The following SOX6 variants were observed in gnomAD, a reference collection of about 807,000 sequenced individuals.
SOX6 encodes transcription factor SOX-6.
SOX6 carries 11 observed loss-of-function variants against 97.8 expected under a neutral mutation model. The ratio of observed to expected loss-of-function variants is 0.11; its 90% CI spans 0.07 to 0.19. The LOEUF is 0.19. Among genes scored for constraint, SOX6 ranks in the 10% least tolerant of loss-of-function variants. The probability of loss-of-function intolerance (pLI) is 1.00; values close to 1 mark genes in which losing one functional copy is unlikely to be tolerated. For synonymous variants in SOX6, 360 were observed against 371.4 expected, an observed-to-expected ratio of 0.97 and a Z score of 0.35; for missense variants, 810 against 1,039.5, an observed-to-expected ratio of 0.78 and a Z score of 3.04.
intron 4 of SOX6, among the ~76,000 whole-genome samples, chr11:16,545,428 C>G (rs1028744674): frequency 1.4e-4 from 21 of 151,046 alleles, no homozygotes; most frequent in Non-Finnish European, 2.7e-4. Flanking sequence ...GATAAAAACT[C>G]TCAACAAACT....
chr11:16,528,701 A>G (rs1449236270), intron 4 of SOX6, among the ~76,000 whole-genome samples: 1 of 152,116 alleles, frequency 6.6e-6, no homozygotes, highest in Non-Finnish European at 1.5e-5. Context: ...GAGCACAACA[A>G]TGAGAAGATA....
intron 1 of SOX6, among the ~76,000 whole-genome samples, chr11:16,440,731 T>A (rs1284776401): frequency 6.6e-6 from 1 of 152,164 alleles, no homozygotes; most frequent in Non-Finnish European, 1.5e-5. Flanking sequence ...TGTTTCTCTA[T>A]TTGTCTTCAC....
At chr11:15,973,509 T>C (rs1033411410) in intron 15 of SOX6, among the ~76,000 whole-genome samples, 19 of 152,236 alleles carry the variant, frequency 1.2e-4, no homozygotes, top group Non-Finnish European at 2.6e-4. Context: ...ATGAAACATA[T>C]TATAATGACA....
chr11:16,534,085 C>A (rs890532789), intron 4 of SOX6, among the ~76,000 whole-genome samples: 4 of 152,092 alleles, frequency 2.6e-5, no homozygotes, highest in African/African-American at 9.7e-5. Flanking sequence ...TCAACCATAA[C>A]ACATTTTCAA....
At chr11:16,600,755 A>T (rs1382167041) in intron 4 of SOX6, among the ~76,000 whole-genome samples, 1 of 152,246 alleles carries the variant, frequency 6.6e-6, no homozygotes, top group East Asian at 1.9e-4. Context: ...AACAAGGAAA[A>T]TAAAAACACT....
At chr11:16,173,347 G>A (rs1851091868) in intron 6 of SOX6, among the ~76,000 whole-genome samples, 1 of 151,686 alleles carries the variant, frequency 6.6e-6, no homozygotes, top group African/African-American at 2.4e-5. Flanking sequence ...TTGGGAGGGA[G>A]GTTTCAGACC....
intron 4 of SOX6, among the ~76,000 whole-genome samples, chr11:16,579,476 A>T (rs1848011414): frequency 6.6e-6 from 1 of 152,052 alleles, no homozygotes; most frequent in South Asian, 2.1e-4. Context: ...CACTATTCTG[A>T]CTTCTATCAT....
Position 16,524,328 on chromosome 11 carries a change from G to A in SOX6, n.610-47940C>T, listed in dbSNP as rs866781879. 2.9e-4 allele frequency among the ~76,000 whole-genome samples: 43 copies of A among 150,846 alleles called. No homozygotes were observed. In the South Asian group the frequency reaches 7.6e-3, roughly 27 times the overall value. On this transcript the variant is annotated intron_variant and non_coding_transcript_variant, in intron 4 of 5. Transcript: ENST00000524520. ...GGGATGCAAGGCTGGTTCAATATACGCAAATCAATAAATGTAATCCAGCAT... is the reference window on the plus strand; with the variant it reads ...GGGATGCAAGGCTGGTTCAATATACACAAATCAATAAATGTAATCCAGCAT...
At chr11:16,720,936 G>A (rs1848256062) in intron 2 of SOX6, among the ~76,000 whole-genome samples, 1 of 152,124 alleles carries the variant, frequency 6.6e-6, no homozygotes, top group Non-Finnish European at 1.5e-5. Flanking sequence ...ACTGAGAAAA[G>A]TCCAGTAGCA....
intron 4 of SOX6, among the ~76,000 whole-genome samples, chr11:16,224,501 T>A (rs1165174594): frequency 2.6e-5 from 4 of 152,048 alleles, no homozygotes; most frequent in Non-Finnish European, 4.4e-5. Flanking sequence ...GAGTTTTAAT[T>A]AAGAAGACCT....
At chr11:16,468,424 T>C (rs1860081755) in intron 1 of SOX6, among the ~76,000 whole-genome samples, 1 of 152,182 alleles carries the variant, frequency 6.6e-6, no homozygotes. Context: ...AAAATACTAG[T>C]GTGTAGGATT....
chr11:16,279,487 A>G (rs1378790404), intron 3 of SOX6, among the ~76,000 whole-genome samples: 1 of 152,146 alleles, frequency 6.6e-6, no homozygotes, highest in Admixed American at 6.6e-5. Context: ...TATTGTGACT[A>G]TATTTCTTTA....
chr11:16,310,052 A>G (rs1855553137), intron 3 of SOX6, among the ~76,000 whole-genome samples: 1 of 152,152 alleles, frequency 6.6e-6, no homozygotes, highest in African/African-American at 2.4e-5. Flanking sequence ...CCAGATTCTT[A>G]GAGAAAGAAT....
chr11:16,675,337 G>A (rs1407688391), intron 3 of SOX6, among the ~76,000 whole-genome samples: 1 of 151,968 alleles, frequency 6.6e-6, no homozygotes, highest in Non-Finnish European at 1.5e-5. Context: ...TATATTTAGG[G>A]ATGGGATCTC....
chr11:16,455,319 T>C (rs1350897683), intron 1 of SOX6, among the ~76,000 whole-genome samples: 3 of 152,028 alleles, frequency 2.0e-5, no homozygotes, highest in Non-Finnish European at 4.4e-5. Flanking sequence ...TAACCCCTTG[T>C]AGTTCGACTT....
At chr11:16,505,402 G>A (rs34221263) in intron 4 of SOX6, among the ~76,000 whole-genome samples, 26,192 of 152,074 alleles carry the variant, frequency 0.17, 2,295 homozygotes, top group African/African-American at 0.19. Context: ...TTCAAGATGT[G>A]GCCTGGCTGC....
intron 13 of SOX6, among the ~76,000 whole-genome samples, chr11:16,000,366 T>C (rs1036427187): frequency 6.6e-6 from 1 of 152,160 alleles, no homozygotes; most frequent in African/African-American, 2.4e-5. Context: ...CTGTATCTTT[T>C]ATAAAAATTA....
intron 12 of SOX6, chr11:16,015,298 AT>A (rs1688494391): frequency 1.1e-5 from 6 of 534,442 alleles, no homozygotes; most frequent in South Asian, 1.0e-4. Context: ...CAGAGCTTCT[AT>A]GCATATCTTC....
intron 4 of SOX6, among the ~76,000 whole-genome samples, chr11:16,513,969 GGGA>G: frequency 6.6e-6 from 1 of 152,034 alleles, no homozygotes; most frequent in Non-Finnish European, 1.5e-5. Context: ...CCAGCACTTT[GGGA>G]GGCCAATGCG....
Sources: allele counts gnomAD v4.1 joint callset (sites outside exome capture counted in the v4.1 genomes callset), GRCh38; gene constraint gnomAD v4.1.1; transcripts MANE v1.5; gene names NCBI Gene and HGNC (gene_info 2026-07-23, HGNC 2026-07-21).